RPA3: variants seen among roughly 807,000 people sequenced by gnomAD.
RPA3 encodes replication protein A 14 kDa subunit.
Under a neutral mutation model 13.7 loss-of-function variants are expected in RPA3, and 24 were observed. That is an observed-to-expected ratio of 1.75 (90% confidence interval 1.27 to 2.46). RPA3 has a LOEUF of 2.46. RPA3 is among the 30% of genes most tolerant of loss of function. The pLI is 0.00. For missense variants in RPA3, 183 were observed against 151.0 expected (o/e 1.21, Z -1.11); for synonymous variants, 59 against 51.2 (o/e 1.15, Z -0.65).
chr7:7,709,491 T>G (rs1031763491), intron 2 of RPA3, among the ~76,000 whole-genome samples: 1 of 152,150 alleles, frequency 6.6e-6, no homozygotes, highest in Admixed American at 6.5e-5. Context: ...GAAGGAACTG[T>G]GTGGAGAGAA....
intron 2 of RPA3, among the ~76,000 whole-genome samples, chr7:7,714,722 A>G (rs1301607405): frequency 6.6e-6 from 1 of 152,220 alleles, no homozygotes; most frequent in Admixed American, 6.5e-5. Context: ...GCCTCAGCTG[A>G]AAACCTTCCT....
intron 4 of RPA3, among the ~76,000 whole-genome samples, chr7:7,656,046 G>A (rs1785333731): frequency 6.6e-6 from 1 of 152,050 alleles, no homozygotes; most frequent in South Asian, 2.1e-4. Context: ...TGTTGGTCAG[G>A]CTGGTCTCAA....
intron 2 of RPA3, among the ~76,000 whole-genome samples, chr7:7,710,084 A>G (rs1338926063): frequency 6.6e-6 from 1 of 152,218 alleles, no homozygotes; most frequent in Non-Finnish European, 1.5e-5. Context: ...CTCACTCAGT[A>G]TCATGTATCT....
At chr7:7,664,146 G>A (rs1456442769) in intron 4 of RPA3, among the ~76,000 whole-genome samples, 2 of 152,158 alleles carry the variant, frequency 1.3e-5, no homozygotes, top group Non-Finnish European at 2.9e-5. Flanking sequence ...AGTTTGTCTT[G>A]GAAAATCAGA....
At chr7:7,661,542 A>G (rs1785474222) in intron 4 of RPA3, among the ~76,000 whole-genome samples, 1 of 152,020 alleles carries the variant, frequency 6.6e-6, no homozygotes, top group South Asian at 2.1e-4. Context: ...TCTGTTTGTT[A>G]GTTTTCCTTC....
At chr7:7,698,373 T>A (rs1052042009) in intron 2 of RPA3, among the ~76,000 whole-genome samples, 6 of 152,214 alleles carry the variant, frequency 3.9e-5, no homozygotes, top group Admixed American at 1.3e-4. Context: ...ATCTCTGCCA[T>A]CAATTTCAAC....
intron 5 of RPA3, chr7:7,640,026 G>A: frequency 2.5e-6 from 1 of 405,170 alleles, no homozygotes. Context: ...AAATCTGAAG[G>A]TAGATGTGGG....
At chr7:7,714,018 A>G (rs1780830469) in intron 2 of RPA3, among the ~76,000 whole-genome samples, 2 of 152,134 alleles carry the variant, frequency 1.3e-5, no homozygotes, top group South Asian at 4.1e-4. Flanking sequence ...TTTCATCGTC[A>G]ATACTTCTTT....
At chr7:7,689,441 T>C (rs1298559418) in intron 2 of RPA3, 1 of 152,172 alleles carries the variant, frequency 6.6e-6, no homozygotes, top group Non-Finnish European at 1.5e-5. Context: ...TTGGGAGCTG[T>C]TTACCTCTGG....
At chr7:7,642,251 C>G (rs948033662) in intron 4 of RPA3, among the ~76,000 whole-genome samples, 5 of 139,756 alleles carry the variant, frequency 3.6e-5, no homozygotes, top group African/African-American at 1.5e-4. Context: ...CCTCTCACCT[C>G]AGCCTGCCAA....
intron 2 of RPA3, among the ~76,000 whole-genome samples, chr7:7,693,824 C>A (rs1407802315): frequency 6.6e-6 from 1 of 152,094 alleles, no homozygotes; most frequent in African/African-American, 2.4e-5. Context: ...CATATTAACA[C>A]TACTTACCAT....
intron 4 of RPA3, among the ~76,000 whole-genome samples, chr7:7,646,971 C>G (rs1583689551): frequency 6.6e-6 from 1 of 152,274 alleles, no homozygotes; most frequent in African/African-American, 2.4e-5. Flanking sequence ...AAGGGTGGAG[C>G]CCTCGCCAGG....
At chr7:7,717,603 C>T in intron 1 of RPA3, among the ~76,000 whole-genome samples, 1 of 152,176 alleles carries the variant, frequency 6.6e-6, no homozygotes, top group East Asian at 1.9e-4. Flanking sequence ...GAAATGGTCT[C>T]AATCACATTG....
chr7:7,643,721 AAAAACAAACAAACG>A lies in RPA3; in HGVS notation c.-757-2560_-757-2547del, dbSNP rs1359179039. On this transcript the variant is annotated intron_variant, in intron 4 of 7. Transcript: ENST00000223129. Reference sequence around the variant, plus strand: ...AGCGAGACTCCCTCTCAAAAAAAAAAAAAACAAACAAACGAAAAAAAAAGGATCAACGGTTAAAT... The same window carrying A: ...AGCGAGACTCCCTCTCAAAAAAAAAAAAAAAAAAAGGATCAACGGTTAAAT... Among the ~76,000 whole-genome samples the A allele has an allele frequency of 2.5e-3, 14 of 5,550 alleles. 1 individual carries two copies. Among genetic ancestry groups the A allele is most frequent in the South Asian group, 0.012 (2 of 168 alleles). The allele number at this position is 5,550 out of a possible 152,430, so 3.6% of individuals were successfully genotyped here. A position where few individuals can be genotyped will look rare whatever the true frequency, so the allele number is the denominator to read the frequency against.
chr7:7,674,342 G>A (rs1481899169), intron 4 of RPA3, among the ~76,000 whole-genome samples: 1 of 152,192 alleles, frequency 6.6e-6, no homozygotes, highest in Admixed American at 6.5e-5. Context: ...CCAATGCTCT[G>A]TAGGCTTTGA....
At chr7:7,670,263 A>G (rs773920405) in intron 4 of RPA3, among the ~76,000 whole-genome samples, 1 of 152,206 alleles carries the variant, frequency 6.6e-6, no homozygotes, top group African/African-American at 2.4e-5. Context: ...ACTTGTGGCC[A>G]GACATCAAAA....
At chr7:7,683,310 C>T (rs1011092450) in intron 4 of RPA3, among the ~76,000 whole-genome samples, 1 of 152,144 alleles carries the variant, frequency 6.6e-6, no homozygotes, top group African/African-American at 2.4e-5. Flanking sequence ...TTAAAAGGTC[C>T]TGGGATTAGG....
intron 4 of RPA3, among the ~76,000 whole-genome samples, chr7:7,664,912 G>T (rs1460588314): frequency 1.3e-5 from 2 of 152,098 alleles, no homozygotes; most frequent in African/African-American, 4.8e-5. Flanking sequence ...AAGGAGGAAG[G>T]TTAAACATCG....
chr7:7,685,378 C>T (rs1379804773), intron 4 of RPA3, among the ~76,000 whole-genome samples: 1 of 149,852 alleles, frequency 6.7e-6, no homozygotes, highest in Admixed American at 6.7e-5. Context: ...GGTGCCATCT[C>T]AGCTCACTGC....
Sources: gnomAD v4.1 joint callset for allele counts (sites outside exome capture counted in the v4.1 genomes callset) on GRCh38, gnomAD v4.1.1 for gene constraint, MANE v1.5 for transcripts, NCBI Gene and HGNC (gene_info 2026-07-23, HGNC 2026-07-21) for gene names.